The following ITGA11 variants were observed in gnomAD, a reference collection of about 807,000 sequenced individuals.
ITGA11 encodes the protein integrin subunit alpha 11.
Under a neutral mutation model 141.9 loss-of-function variants are expected in ITGA11, and 97 were observed. That is an observed-to-expected ratio of 0.68 (90% CI 0.58 to 0.81). The LOEUF (loss-of-function observed/expected upper bound fraction) is 0.81. Among genes scored for constraint, ITGA11 ranks in the 30% least tolerant of loss-of-function variants. The pLI is 0.00. For synonymous variants in ITGA11, 658 were observed against 624.6 expected, an observed-to-expected ratio of 1.05 and a Z score of -0.80; for missense variants, 1,387 against 1,559.2, an observed-to-expected ratio of 0.89 and a Z score of 1.86.
intron 1 of ITGA11, among the ~76,000 whole-genome samples, chr15:68,429,663 G>T (rs543844741): frequency 1.1e-4 from 17 of 152,266 alleles, no homozygotes; most frequent in African/African-American, 3.9e-4. Flanking sequence ...CATGGATGAG[G>T]TATCAACATC....
At chr15:68,412,482 C>A (rs55739943) in intron 1 of ITGA11, among the ~76,000 whole-genome samples, 1 of 152,186 alleles carries the variant, frequency 6.6e-6, no homozygotes, top group Non-Finnish European at 1.5e-5. Flanking sequence ...AGGCACCCAA[C>A]ATGGATTCTG....
chr15:68,306,380 C>T (rs973702146), intron 28 of ITGA11, among the ~76,000 whole-genome samples: 3 of 152,022 alleles, frequency 2.0e-5, no homozygotes, highest in East Asian at 3.9e-4. Flanking sequence ...ACCACACCTC[C>T]CTCTCTTGGA....
At chr15:68,358,404 C>T in intron 6 of ITGA11, 54 bp downstream of exon 6, 1 of 1,541,302 alleles carries the variant, frequency 6.5e-7, no homozygotes, top group African/African-American at 1.4e-5. Context: ...GCAGCACCTG[C>T]CATGGGTTTG....
chr15:68,404,930 G>A (rs926295093), intron 1 of ITGA11, among the ~76,000 whole-genome samples: 10 of 152,158 alleles, frequency 6.6e-5, no homozygotes, highest in Non-Finnish European at 5.9e-5. Flanking sequence ...CGATCTCCAT[G>A]ACAAGCAGCA....
chr15:68,340,415 C>CAA (rs1894529287), intron 10 of ITGA11, among the ~76,000 whole-genome samples: 1 of 152,154 alleles, frequency 6.6e-6, no homozygotes, highest in African/African-American at 2.4e-5. Flanking sequence ...ACAGTTTGTG[C>CAA]AAAGGCTCTG....
At position 68,429,542 on chromosome 15, in the gene ITGA11, T is replaced by C. The variant is rs1165431507; in HGVS notation, c.52+2473A>G. 6.6e-5 allele frequency among the ~76,000 whole-genome samples: 10 copies of C among 152,306 alleles called. No homozygotes were observed. The East Asian group carries it at 1.2e-3, about 18-fold the overall frequency. On this transcript the variant is annotated intron_variant, in intron 1 of 29. Transcript: ENST00000315757. ...GCAGCTGGAGCTCTGGGAGAGTAGA[T>C]GCTCTGAGGTCTCACCCTCAACTTG...
rs560888078 is a variant in ITGA11 at position 68,355,192 on chromosome 15, C to T, written c.749+1959G>A. 3.3e-5 allele frequency among the ~76,000 whole-genome samples: 5 copies of T among 152,304 alleles called. No individual in the cohort carries two copies. In the South Asian group the frequency reaches 6.2e-4, roughly 19 times the overall value. On this transcript the variant is annotated intron_variant, in intron 7 of 29. Coordinates refer to ENST00000315757, the MANE Select transcript of ITGA11 (RefSeq NM_001004439.2). ...CCTTACCCAAGCCATTTCACAAGGGCCTGCTGGGAGTCTCGGGTCTCACCC... is the reference window on the plus strand; with the variant it reads ...CCTTACCCAAGCCATTTCACAAGGGTCTGCTGGGAGTCTCGGGTCTCACCC...
chr15:68,409,464 TTAGGTACTGATAG>T lies in ITGA11; in HGVS notation c.53-6448_53-6436del, dbSNP rs1287660862. On this transcript the variant is annotated intron_variant, in intron 1 of 29. Transcript: ENST00000315757. ...TTAGTTTACCTCCTAGCTCCCTGAC[TTAGGTACTGATAG>T]TAGGTACTGATAGGTAGTACTGATA... Among the ~76,000 whole-genome samples the T allele has an allele frequency of 2.0e-5, 3 of 150,638 alleles. No homozygotes were observed. In the South Asian group the frequency reaches 6.3e-4, roughly 32 times the overall value.
chr15:68,335,621 T>C lies in ITGA11; in HGVS notation c.1425+76A>G. The C allele has an allele frequency of 6.6e-7, 1 of 1,512,472 alleles. No individual in the cohort carries two copies. The highest frequency in any genetic ancestry group is 2.4e-5 in the East Asian group (1 of 42,078). The allele number at this position is 1,512,472 out of a possible 1,614,324, so 93.7% of individuals were successfully genotyped here. On this transcript the variant is annotated intron_variant, in intron 12 of 29. Transcript: ENST00000315757. The surrounding 1 kb of genome is among the most constrained non-coding windows in gnomAD (Gnocchi z 4.9). Reference sequence around the variant, plus strand: ...GGGCACCCAGTGGTCCAGGCATGCCTGTATTTACTGCCCTCCCATTTGTCT... The same window carrying C: ...GGGCACCCAGTGGTCCAGGCATGCCCGTATTTACTGCCCTCCCATTTGTCT...
At chr15:68,410,423 T>C (rs1302891924) in intron 1 of ITGA11, among the ~76,000 whole-genome samples, 2 of 152,126 alleles carry the variant, frequency 1.3e-5, no homozygotes, top group African/African-American at 4.8e-5. Context: ...GCCCCAAGAA[T>C]CTTCACGTCT....
intron 2 of ITGA11, among the ~76,000 whole-genome samples, chr15:68,385,038 C>T (rs548720459): frequency 9.2e-5 from 14 of 152,332 alleles, no homozygotes; most frequent in Admixed American, 7.2e-4. Context: ...CTCACTCATT[C>T]AGCCTCTGCC....
Position 68,303,656 on chromosome 15 carries a change from G to A in ITGA11, c.3495+116C>T, listed in dbSNP as rs1389556419. The A allele has an allele frequency of 6.1e-6, 4 of 655,598 alleles. No individual in the cohort carries two copies. The highest frequency in any genetic ancestry group is 1.8e-5 in the African/African-American group (1 of 54,708). The allele number at this position is 655,598 out of a possible 1,614,324, so 40.6% of individuals were successfully genotyped here. On this transcript the variant is annotated intron_variant, in intron 29 of 29. Coordinates refer to ENST00000315757, the MANE Select transcript of ITGA11 (RefSeq NM_001004439.2). This position sits in a 1 kb window ranked among gnomAD's most constrained non-coding sequence, Gnocchi z 5.3. The stretch of plus-strand genomic sequence containing the variant: ...CAGTGTGTCTGCTATGGCGAGGGGT[G>A]GGGTGCCAGCTCCCCTGGAGAGGAG...
chr15:68,383,192 A>T (rs534055107), intron 2 of ITGA11, among the ~76,000 whole-genome samples: 29 of 151,964 alleles, frequency 1.9e-4, no homozygotes, highest in Non-Finnish European at 3.8e-4. Context: ...AATGGCGTGA[A>T]CTCGGGAGGC....
intron 2 of ITGA11, among the ~76,000 whole-genome samples, chr15:68,398,905 A>C (rs1325435666): frequency 6.6e-6 from 1 of 151,152 alleles, no homozygotes; most frequent in Admixed American, 6.6e-5. Flanking sequence ...TATTGAGAGA[A>C]ATTTTTAAAA....
At chr15:68,318,018 T>C (rs1210918482) in intron 20 of ITGA11, among the ~76,000 whole-genome samples, 1 of 152,158 alleles carries the variant, frequency 6.6e-6, no homozygotes, top group Non-Finnish European at 1.5e-5. Flanking sequence ...GTGCAAAAAG[T>C]GTGTGATCAG....
intron 1 of ITGA11, among the ~76,000 whole-genome samples, chr15:68,412,555 TTC>T (rs760195777): frequency 1.3e-5 from 2 of 152,122 alleles, no homozygotes; most frequent in African/African-American, 4.8e-5. Flanking sequence ...TCACCTCATT[TTC>T]TCTCTTTCCA....
intron 4 of ITGA11, 60 bp downstream of exon 4, chr15:68,364,647 A>ACCCCCCCCCCC: frequency 5.5e-6 from 5 of 904,810 alleles, no homozygotes; most frequent in Non-Finnish European, 9.0e-6. Context: ...GAGACGCTCC[A>ACCCCCCCCCCC]CCCCTCCCCA....
Position 68,305,240 on chromosome 15 carries a change from G to A in ITGA11, c.3382-1355C>T, listed in dbSNP as rs1328906397. ...GCAAGGGTTTCCCTCACGCAGCCACGAGACACTCCTGTCTTCCTCATGGTC... is the reference window on the plus strand; with the variant it reads ...GCAAGGGTTTCCCTCACGCAGCCACAAGACACTCCTGTCTTCCTCATGGTC... On this transcript the variant is annotated intron_variant, in intron 28 of 29. Coordinates refer to ENST00000315757, the MANE Select transcript of ITGA11 (RefSeq NM_001004439.2). This position sits in a 1 kb window ranked among gnomAD's most constrained non-coding sequence, Gnocchi z 4.6. Among the ~76,000 whole-genome samples the A allele has an allele frequency of 1.3e-5, 2 of 152,148 alleles. No individual in the cohort carries two copies. The highest frequency in any genetic ancestry group is 6.5e-5 in the Admixed American group (1 of 15,284).
intron 3 of ITGA11, among the ~76,000 whole-genome samples, chr15:68,368,677 C>T (rs567633210): frequency 6.6e-5 from 10 of 152,298 alleles, no homozygotes; most frequent in South Asian, 2.1e-4. Context: ...TGAGTGACCC[C>T]GGGCAGGTCC....
Sources: allele counts gnomAD v4.1 joint callset (sites outside exome capture counted in the v4.1 genomes callset), GRCh38; gene constraint gnomAD v4.1.1; non-coding constraint Gnocchi (gnomAD v3.1); transcripts MANE v1.5; gene names NCBI Gene and HGNC (gene_info 2026-07-23, HGNC 2026-07-21).